PAM: variants seen among roughly 807,000 people sequenced by gnomAD.
PAM encodes the protein peptidyl-glycine alpha-amidating monooxygenase.
In PAM, 72 loss-of-function variants were observed where a neutral mutation model predicts 122.1. The observed-to-expected ratio is 0.59, with a 90% CI of 0.49 to 0.72. The LOEUF (loss-of-function observed/expected upper bound fraction) is 0.72. Among genes scored for constraint, PAM ranks in the 30% least tolerant of loss-of-function variants. The pLI is 0.00. For synonymous variants in PAM, 389 were observed against 404.4 expected (o/e 0.96, Z 0.46); for missense variants, 1,106 against 1,183.7 (o/e 0.93, Z 0.96).
In PAM at chr5:102,818,755, A is replaced by G. The variant is rs539077200; in HGVS notation, c.-373-47068A>G. On this transcript the variant is annotated intron_variant, in intron 1 of 25. Coordinates refer to ENST00000438793, the MANE Select transcript of PAM (RefSeq NM_001177306.2). ...GTGTGGCCTTTTTTTATGTTCAGTT[A>G]TTTGCTAGACTCAGATCCTTCAGAG... Among the ~76,000 whole-genome samples the G allele has an allele frequency of 5.9e-5, 9 of 152,072 alleles. No individual in the cohort carries two copies. The East Asian group carries it at 1.4e-3, about 23-fold the overall frequency.
At chr5:102,980,139 T>C (rs527386191) in intron 15 of PAM, among the ~76,000 whole-genome samples, 1 of 152,282 alleles carries the variant, frequency 6.6e-6, no homozygotes, top group East Asian at 1.9e-4. Context: ...GCAATCAAGC[T>C]TGAAATAATT....
At chr5:102,876,123 A>G (rs1789121212) in intron 3 of PAM, among the ~76,000 whole-genome samples, 2 of 152,188 alleles carry the variant, frequency 1.3e-5, no homozygotes. Context: ...TCTCTCGGCC[A>G]AATACACTAG....
At chr5:102,786,286 T>C (rs1402296714) in intron 1 of PAM, among the ~76,000 whole-genome samples, 1 of 152,224 alleles carries the variant, frequency 6.6e-6, no homozygotes, top group African/African-American at 2.4e-5. Flanking sequence ...ACTCTGAGCG[T>C]CTTCATTTCC....
chr5:103,003,739 C>T (rs1026023909), intron 17 of PAM, among the ~76,000 whole-genome samples: 2 of 151,994 alleles, frequency 1.3e-5, no homozygotes, highest in Non-Finnish European at 2.9e-5. Context: ...TGCTGCTCAG[C>T]CAGATCTAAT....
Position 102,949,445 on chromosome 5 carries a change from A to G in PAM, c.644-92A>G, listed in dbSNP as rs1758054034. On this transcript the variant is annotated intron_variant, in intron 9 of 25. Transcript: ENST00000438793. ...TCATAAGAAAACCTCAGTCCCTAGCATCTTGTGAATACCCTATGCATAATT... is the reference window on the plus strand; with the variant it reads ...TCATAAGAAAACCTCAGTCCCTAGCGTCTTGTGAATACCCTATGCATAATT... The G allele has an allele frequency of 7.2e-5, 56 of 772,912 alleles. No homozygotes were observed. In the South Asian group the frequency reaches 7.9e-4, roughly 11 times the overall value. 47.9% of individuals were successfully genotyped at this position (772,912 alleles called of 1,614,324 possible). A position where few individuals can be genotyped will look rare whatever the true frequency, so the allele number is the denominator to read the frequency against.
intron 1 of PAM, among the ~76,000 whole-genome samples, chr5:102,832,473 T>C (rs1478203319): frequency 6.6e-6 from 1 of 152,120 alleles, no homozygotes; most frequent in African/African-American, 2.4e-5. Flanking sequence ...ATTATGTTTT[T>C]CCCTACAAAT....
At chr5:102,989,764 G>A (rs1347460073) in intron 15 of PAM, 1 of 150,090 alleles carries the variant, frequency 6.7e-6, no homozygotes, top group Admixed American at 6.6e-5. Flanking sequence ...ATTTTATACT[G>A]AATATCCAGA....
intron 3 of PAM, among the ~76,000 whole-genome samples, chr5:102,880,499 A>G (rs1790629654): frequency 6.6e-6 from 1 of 152,128 alleles, no homozygotes; most frequent in Non-Finnish European, 1.5e-5. Flanking sequence ...ATTCAATAAA[A>G]CTAGAAATAG....
At chr5:102,824,323 A>G (rs1396748809) in intron 1 of PAM, among the ~76,000 whole-genome samples, 3 of 152,224 alleles carry the variant, frequency 2.0e-5, no homozygotes, top group Non-Finnish European at 2.9e-5. Context: ...TTCATATCAC[A>G]TTTCAATAAA....
intron 10 of PAM, 24 bp from the exon 11 acceptor site, chr5:102,949,878 G>C (rs920232125): frequency 8.2e-7 from 1 of 1,213,390 alleles, no homozygotes; most frequent in African/African-American, 1.5e-5. Context: ...TATATTAAAT[G>C]ATTAAAATTT....
chr5:102,960,114 G>T (rs1407401518), intron 13 of PAM, 55 bp downstream of exon 13: 6 of 973,402 alleles, frequency 6.2e-6, no homozygotes, highest in South Asian at 1.7e-5. Context: ...TTATATTTTT[G>T]TATGTATCTT....
chr5:102,800,816 C>T lies in PAM; in HGVS notation c.-374+45468C>T, dbSNP rs1317835507. Among the ~76,000 whole-genome samples, 4 of 152,036 alleles carry T rather than the reference C, an allele frequency of 2.6e-5. No individual in the cohort carries two copies. In the East Asian group the frequency reaches 7.7e-4, roughly 29 times the overall value. On this transcript the variant is annotated intron_variant, in intron 1 of 25. Coordinates refer to ENST00000438793, the MANE Select transcript of PAM (RefSeq NM_001177306.2). ...ATCACCCTGGGCTTATCTTCTCTTC[C>T]CTTTTCCTTTTAGACTTAGTGCCCA...
At chr5:103,021,132 A>G (rs548928588) in intron 23 of PAM, among the ~76,000 whole-genome samples, 1 of 152,176 alleles carries the variant, frequency 6.6e-6, no homozygotes, top group East Asian at 1.9e-4. Flanking sequence ...AATAACTGCT[A>G]TTATCCCCAT....
At chr5:102,781,669 A>G (rs914524235) in intron 1 of PAM, among the ~76,000 whole-genome samples, 4 of 152,212 alleles carry the variant, frequency 2.6e-5, no homozygotes, top group Admixed American at 6.5e-5. Context: ...TAAAAGACAA[A>G]ATAACATTTT....
chr5:102,774,327 C>T (rs538585359), intron 1 of PAM, among the ~76,000 whole-genome samples: 177 of 152,172 alleles, frequency 1.2e-3, no homozygotes, highest in South Asian at 4.6e-3. Flanking sequence ...CTAATTTACA[C>T]TCCCACCAAA....
chr5:102,887,172 G>A (rs1451938948), intron 3 of PAM, among the ~76,000 whole-genome samples: 1 of 151,998 alleles, frequency 6.6e-6, no homozygotes, highest in East Asian at 1.9e-4. Flanking sequence ...GTTGGGAGAT[G>A]GGGATGTTTG....
At chr5:102,826,789 C>CT (rs1773773667) in intron 1 of PAM, among the ~76,000 whole-genome samples, 1 of 152,178 alleles carries the variant, frequency 6.6e-6, no homozygotes, top group Non-Finnish European at 1.5e-5. Flanking sequence ...AGACCTCTCT[C>CT]TGTCTGCTAG....
rs1420801886 is a variant in PAM at position 102,867,309 on chromosome 5, T to C, written c.126T>C (p.Cys42=). The C allele has an allele frequency of 5.0e-6, 8 of 1,603,108 alleles. No individual in the cohort carries two copies. The highest frequency in any genetic ancestry group is 6.8e-6 in the Non-Finnish European group (8 of 1,170,162). ...KETTRPFSNE[C]LGTTRPVVPI... ...CTACCAGACCATTTTCCAATGAATG[T>C]CTTGGTACCACCAGACCCGTAGTTC... Residue 42 remains cysteine, a synonymous_variant, in exon 3 of 26, where the codon TGT becomes TGC. Transcript: ENST00000438793.
At chr5:102,858,058 C>T (rs1272046893) in intron 1 of PAM, among the ~76,000 whole-genome samples, 1 of 151,974 alleles carries the variant, frequency 6.6e-6, no homozygotes, top group East Asian at 1.9e-4. Context: ...ATTAATAACC[C>T]ATATCTCAAA....
Sources: allele counts gnomAD v4.1 joint callset (sites outside exome capture counted in the v4.1 genomes callset), GRCh38; gene constraint gnomAD v4.1.1; transcripts MANE v1.5; gene names NCBI Gene and HGNC (gene_info 2026-07-23, HGNC 2026-07-21).